WDR27: variants seen among roughly 807,000 people sequenced by gnomAD.
WDR27 encodes WD repeat domain 27, also known as WD repeat-containing protein 27.
Under a neutral mutation model 114.4 loss-of-function variants are expected in WDR27, and 100 were observed. The ratio of observed to expected loss-of-function variants is 0.87; its 90% CI spans 0.74 to 1.03. WDR27 has a LOEUF of 1.03. Ranked by LOEUF, WDR27 falls within the 50% of genes least tolerant of loss-of-function variation. WDR27 has a pLI of 0.00. For synonymous variants in WDR27, 449 were observed against 423.1 expected (o/e 1.06, Z -0.75); for missense variants, 1,129 against 1,092.9 (o/e 1.03, Z -0.47).
In WDR27 at chr6:169,529,316, G is replaced by GT. The variant is rs768590345; in HGVS notation, c.2645+43102_2645+43103insA. 2.0e-3 allele frequency among the ~76,000 whole-genome samples: 286 copies of GT among 142,082 alleles called. 6 individuals are homozygous for GT. Among genetic ancestry groups the GT allele is most frequent in the Non-Finnish European group, 3.5e-3 (233 of 65,768 alleles). The allele number at this position is 142,082 out of a possible 152,430, so 93.2% of individuals were successfully genotyped here. ...CGTTAACGGTGGTGACCTCTGCGGG[G>GT]GGGGGGGGCAGCTAATGCTAATAAG... On this transcript the variant is annotated intron_variant, in intron 25 of 25. Coordinates refer to ENST00000448612, the MANE Select transcript of WDR27 (RefSeq NM_182552.5).
At chr6:169,552,940 G>A (rs1798347161) in intron 25 of WDR27, among the ~76,000 whole-genome samples, 3 of 149,888 alleles carry the variant, frequency 2.0e-5, no homozygotes, top group East Asian at 2.0e-4. Context: ...CGGCTCGCAC[G>A]CGCTCTGTGT....
intron 25 of WDR27, among the ~76,000 whole-genome samples, chr6:169,467,381 A>C (rs1393325815): frequency 1.3e-5 from 2 of 152,194 alleles, no homozygotes; most frequent in Non-Finnish European, 2.9e-5. Context: ...GCACTGTCCT[A>C]GTAGGGGTTC....
At chr6:169,644,475 G>T (rs956796241) in intron 16 of WDR27, among the ~76,000 whole-genome samples, 28 of 144,046 alleles carry the variant, frequency 1.9e-4, no homozygotes, top group Non-Finnish European at 3.3e-4. Flanking sequence ...CTGTAGAAAA[G>T]CCTAGTTCAC....
chr6:169,485,426 A>G (rs371524196), intron 25 of WDR27, among the ~76,000 whole-genome samples: 3 of 152,250 alleles, frequency 2.0e-5, no homozygotes, highest in East Asian at 3.8e-4. Context: ...AGCATCACTT[A>G]TCATGAGAGA....
intron 1 of WDR27, among the ~76,000 whole-genome samples, chr6:169,701,000 C>T (rs1787817926): frequency 6.6e-6 from 1 of 152,124 alleles, no homozygotes; most frequent in Non-Finnish European, 1.5e-5. Context: ...CAGGAAAAGG[C>T]AGTGACAAGT....
At chr6:169,552,710 C>T (rs1465225863) in intron 25 of WDR27, among the ~76,000 whole-genome samples, 1 of 152,178 alleles carries the variant, frequency 6.6e-6, no homozygotes, top group Non-Finnish European at 1.5e-5. Context: ...TCACTATCTT[C>T]TAATATCTAA....
At chr6:169,456,869 A>C (rs1255043534), downstream of WDR27, among the ~76,000 whole-genome samples, 4 of 150,758 alleles carry the variant, frequency 2.7e-5, no homozygotes, top group African/African-American at 7.3e-5. This position sits in a 1 kb window ranked among gnomAD's most constrained non-coding sequence, Gnocchi z 4.0. Context: ...CAGAACCCAC[A>C]GGCAGAGGTC....
intron 20 of WDR27, 124 bp from the exon 21 acceptor site, chr6:169,633,192 G>A: frequency 9.3e-7 from 1 of 1,075,492 alleles, no homozygotes; most frequent in Non-Finnish European, 1.2e-6. Context: ...GACTAGTTAA[G>A]AATTTCTGAA....
intron 25 of WDR27, among the ~76,000 whole-genome samples, chr6:169,506,917 T>G (rs1279491636): frequency 1.3e-5 from 2 of 152,238 alleles, no homozygotes; most frequent in Non-Finnish European, 2.9e-5. Flanking sequence ...TATTAAATGC[T>G]AAATGATATG....
At chr6:169,501,223 G>A (rs1220295837) in intron 25 of WDR27, among the ~76,000 whole-genome samples, 1 of 152,206 alleles carries the variant, frequency 6.6e-6, no homozygotes, top group Non-Finnish European at 1.5e-5. Context: ...AGACGAACCC[G>A]ATCCACCTGC....
chr6:169,638,530 G>A lies in WDR27; in HGVS notation c.1869+9C>T, dbSNP rs781264531. 22 of 1,610,592 alleles carry A rather than the reference G, an allele frequency of 1.4e-5. No individual in the cohort carries two copies. The South Asian group carries it at 2.4e-4, about 18-fold the overall frequency. On this transcript the variant is annotated intron_variant, in intron 18 of 25. Transcript: ENST00000448612. ...ATGACTGCCCATGGCAGAGATGACT[G>A]TCCATTACCAGAAGCAGTGCGAGCT...
intron 25 of WDR27, among the ~76,000 whole-genome samples, chr6:169,507,855 C>T (rs762323545): frequency 2.0e-4 from 31 of 152,158 alleles, no homozygotes; most frequent in Non-Finnish European, 1.5e-4. Context: ...ATGGAGACCA[C>T]ATGTGGCACT....
intron 24 of WDR27, among the ~76,000 whole-genome samples, chr6:169,580,199 A>G (rs1337802484): frequency 1.3e-5 from 2 of 152,220 alleles, no homozygotes; most frequent in African/African-American, 2.4e-5. Flanking sequence ...GGAGCATACT[A>G]TCTTTCCTTC....
At chr6:169,569,837 C>G (rs759360390) in intron 25 of WDR27, among the ~76,000 whole-genome samples, 1 of 152,138 alleles carries the variant, frequency 6.6e-6, no homozygotes, top group Non-Finnish European at 1.5e-5. Context: ...AAAATCTTTT[C>G]CAGTCTGAAG....
intron 22 of WDR27, among the ~76,000 whole-genome samples, chr6:169,603,173 A>T (rs1339727310): frequency 7.3e-6 from 1 of 137,588 alleles, no homozygotes; most frequent in Non-Finnish European, 1.6e-5. Flanking sequence ...TTTTTGAGAC[A>T]GAGTCTCGCT....
At chr6:169,562,097 G>GGT (rs1434477138) in intron 25 of WDR27, among the ~76,000 whole-genome samples, 2 of 152,142 alleles carry the variant, frequency 1.3e-5, no homozygotes, top group African/African-American at 4.8e-5. Context: ...AAAACCTAGA[G>GGT]GTATAGTCAG....
chr6:169,575,091 C>G (rs2050059), intron 24 of WDR27, among the ~76,000 whole-genome samples: 1 of 151,956 alleles, frequency 6.6e-6, no homozygotes, highest in South Asian at 2.1e-4. Context: ...TGGACTCAGG[C>G]GGGAACACCA....
chr6:169,575,310 ATCCCTCCCTCCCTCTCTCTCTC>A (rs1802098061), intron 24 of WDR27, among the ~76,000 whole-genome samples: 1 of 64,292 alleles, frequency 1.6e-5, no homozygotes, highest in African/African-American at 7.8e-5. Flanking sequence ...CCATCCATCC[ATCCCTCCCTCCCTCTCTCTCTC>A]TCCATCCATC....
intron 25 of WDR27, among the ~76,000 whole-genome samples, chr6:169,490,961 C>A (rs1248955251): frequency 6.6e-6 from 1 of 152,154 alleles, no homozygotes; most frequent in Non-Finnish European, 1.5e-5. Context: ...ACCCTACTTT[C>A]AGCCATCCGT....
Sources: gnomAD v4.1 joint callset for allele counts (sites outside exome capture counted in the v4.1 genomes callset) on GRCh38, gnomAD v4.1.1 for gene constraint, Gnocchi (gnomAD v3.1) non-coding constraint, MANE v1.5 for transcripts, NCBI Gene and HGNC (gene_info 2026-07-23, HGNC 2026-07-21) for gene names.